Variants in MAP3K15 observed in about 807,000 individuals in gnomAD.
MAP3K15 encodes the protein mitogen-activated protein kinase kinase kinase 15, also known as MAPK/ERK kinase kinase 15.
Under a neutral mutation model 99.5 loss-of-function variants are expected in MAP3K15, and 124 were observed. The observed-to-expected ratio is 1.25, with a 90% CI of 1.08 to 1.45. The LOEUF is 1.45. MAP3K15 is among the 40% of genes most tolerant of loss of function. The pLI, the probability that MAP3K15 is intolerant of heterozygous loss-of-function variation, is 0.00. For missense variants in MAP3K15, 1,242 were observed against 1,079.7 expected (o/e 1.15, Z -2.11); for synonymous variants, 494 against 439.6 (o/e 1.12, Z -1.55).
Position 19,373,582 on chromosome X carries a change from A to G in MAP3K15, c.2887T>C (p.Phe963Leu). The change falls in exon 21 of 29, where the codon TTT (phenylalanine) becomes CTT (leucine). Residue 963 changes from phenylalanine to leucine, a missense_variant. Coordinates refer to ENST00000338883, the MANE Select transcript of MAP3K15 (RefSeq NM_001001671.4). The part of the protein sequence containing the change: ...PDSDAQPDAL[F>L]ERTRAPRHHL... The stretch of plus-strand genomic sequence containing the variant: ...TGCCTGGGCGCCCGGGTCCTCTCAA[A>G]GAGTGCGTCAGGCTGGGCGTCGGAG... 1 of 1,179,632 alleles carries G rather than the reference A, an allele frequency of 8.5e-7. No homozygotes were observed. Among genetic ancestry groups the G allele is most frequent in the South Asian group, 1.9e-5 (1 of 53,542 alleles).
At chrX:19,448,856 C>T (rs778359303) in intron 6 of MAP3K15, among the ~76,000 whole-genome samples, 16 of 109,442 alleles carry the variant, frequency 1.5e-4, no homozygotes, top group African/African-American at 5.2e-4. Flanking sequence ...TATCTAGGCA[C>T]CAGACACTAT....
intron 18 of MAP3K15, among the ~76,000 whole-genome samples, chrX:19,381,136 G>A (rs759799277): frequency 1.8e-5 from 2 of 111,925 alleles, no homozygotes; most frequent in African/African-American, 3.2e-5. Flanking sequence ...TGCCTGGTTC[G>A]GGTCAGGAAA....
At chrX:19,411,913 G>A (rs748843312) in intron 11 of MAP3K15, among the ~76,000 whole-genome samples, 1 of 112,341 alleles carries the variant, frequency 8.9e-6, no homozygotes, top group African/African-American at 3.2e-5. Flanking sequence ...CTCTGCGTGA[G>A]ACAGGAAGCC....
intron 1 of MAP3K15, among the ~76,000 whole-genome samples, chrX:19,492,805 A>G (rs1337431422): frequency 9.1e-6 from 1 of 110,425 alleles, no homozygotes; most frequent in Non-Finnish European, 1.9e-5. Context: ...CGTCTCTACT[A>G]AAAATACAAA....
intron 21 of MAP3K15, 148 bp downstream of exon 21, chrX:19,373,388 G>T (rs1391424052): frequency 7.5e-6 from 5 of 665,698 alleles, no homozygotes; most frequent in Non-Finnish European, 8.8e-6. Flanking sequence ...TCCTTGCCGG[G>T]ATGGGGCGGC....
chrX:19,396,080 TTCTAAAA>T (rs2063566231), intron 15 of MAP3K15, among the ~76,000 whole-genome samples: 1 of 111,530 alleles, frequency 9.0e-6, no homozygotes, highest in African/African-American at 3.3e-5. Context: ...CTCTTCTGCG[TTCTAAAA>T]ACACTCTGTG....
At chrX:19,431,923 G>A (rs906464510) in intron 6 of MAP3K15, among the ~76,000 whole-genome samples, 2 of 105,672 alleles carry the variant, frequency 1.9e-5, no homozygotes, top group Admixed American at 2.0e-4. Flanking sequence ...CAGTCTGGGC[G>A]ACAGAGTGAG....
rs1339610070 is a variant in MAP3K15, at chrX:19,421,880, G to T, written c.1439+3651C>A. ...GAGCCCTCAGAAATAATGCCGCATA[G>T]CTACAACTATCTGATCTGTGACAAA... is the stretch of plus-strand genomic sequence containing the variant. On this transcript the variant is annotated intron_variant, in intron 9 of 28. Coordinates refer to ENST00000338883, the MANE Select transcript of MAP3K15 (RefSeq NM_001001671.4). 8.2e-5 allele frequency among the ~76,000 whole-genome samples: 9 copies of T among 109,159 alleles called. No homozygotes were observed. The East Asian group carries it at 8.4e-4, about 10-fold the overall frequency. 94.8% of individuals were successfully genotyped at this position (109,159 alleles called of 115,157 possible).
chrX:19,460,141 T>C lies in MAP3K15; in HGVS notation c.732A>G (p.Lys244=). ...DIHVTSCVYY[K]ETLLNDIRKA... Reference sequence around the variant, plus strand: ...TCCGGATGTCATTTAACAAGGTTTCTTTGTAATAAACACTATAGAAAGAAA... The same window carrying C: ...TCCGGATGTCATTTAACAAGGTTTCCTTGTAATAAACACTATAGAAAGAAA... The change falls in exon 5 of 29, where the codon AAA becomes AAG. Residue 244 remains lysine (K), a synonymous_variant. Transcript: ENST00000338883. The C allele has an allele frequency of 8.4e-7, 1 of 1,188,637 alleles. No individual in the cohort carries two copies. Among genetic ancestry groups the C allele is most frequent in the Non-Finnish European group, 1.1e-6 (1 of 889,168 alleles).
rs750864025 is a variant in MAP3K15 at position 19,464,362 on chromosome X, C to T, written c.570G>A (p.Pro190=). The T allele has an allele frequency of 1.2e-5, 14 of 1,196,830 alleles. No individual in the cohort carries two copies. The highest frequency in any genetic ancestry group is 1.1e-4 in the Admixed American group (5 of 45,681). ...TCTCGCAGCAAAAATAATCAGCGCA[C>T]GGTGTCACGATGTATGGGATGAAAT... ...NYYFIPYIVT[P]CADYFCCESD... Residue 190 remains proline (P), a synonymous_variant, in exon 4 of 29, where the codon CCG becomes CCA. Coordinates refer to ENST00000338883, the MANE Select transcript of MAP3K15 (RefSeq NM_001001671.4).
rs377370864 is a variant in MAP3K15, at chrX:19,460,142, T to A, written c.731A>T (p.Lys244Ile). 5 of 1,186,167 alleles carry A rather than the reference T, an allele frequency of 4.2e-6. No individual in the cohort carries two copies. In the African/African-American group the frequency reaches 7.1e-5, roughly 17 times the overall value. ...CCGGATGTCATTTAACAAGGTTTCT[T>A]TGTAATAAACACTATAGAAAGAAAA... ...DIHVTSCVYY[K>I]ETLLNDIRKA... The change falls in exon 5 of 29, where the codon AAA becomes ATA. Residue 244 changes from lysine to isoleucine, a missense_variant. Coordinates refer to ENST00000338883, the MANE Select transcript of MAP3K15 (RefSeq NM_001001671.4).
chrX:19,448,601 G>A (rs1180225501), intron 6 of MAP3K15, among the ~76,000 whole-genome samples: 1 of 109,402 alleles, frequency 9.1e-6, no homozygotes, highest in East Asian at 2.8e-4. Flanking sequence ...AAAAACATAA[G>A]GAACTGTGTT....
At chrX:19,371,921 T>A (rs1261600037) in intron 22 of MAP3K15, among the ~76,000 whole-genome samples, 1 of 110,767 alleles carries the variant, frequency 9.0e-6, no homozygotes, top group East Asian at 2.8e-4. Context: ...TCACCTGAGG[T>A]CAGGAGTTCA....
chrX:19,397,849 G>A (rs895434911), intron 15 of MAP3K15, among the ~76,000 whole-genome samples: 2 of 110,432 alleles, frequency 1.8e-5, no homozygotes, highest in Non-Finnish European at 3.8e-5. Context: ...AGGCCAAGGC[G>A]GGCAGATCAC....
chrX:19,394,608 T>C (rs1032087745), intron 16 of MAP3K15, among the ~76,000 whole-genome samples: 1 of 110,920 alleles, frequency 9.0e-6, no homozygotes, highest in East Asian at 2.8e-4. Flanking sequence ...TTCTGCACCC[T>C]TGTCCAAACC....
intron 25 of MAP3K15, among the ~76,000 whole-genome samples, chrX:19,364,595 A>T (rs957243094): frequency 6.3e-5 from 7 of 111,462 alleles, no homozygotes; most frequent in African/African-American, 2.3e-4. Flanking sequence ...TTTCTGTGTA[A>T]AAATTGGTTA....
At chrX:19,387,827 A>G (rs1014511351) in intron 18 of MAP3K15, among the ~76,000 whole-genome samples, 3 of 112,638 alleles carry the variant, frequency 2.7e-5, no homozygotes, top group Admixed American at 9.4e-5. Flanking sequence ...AAAGAGATGG[A>G]AGGAGGAGGT....
chrX:19,405,254 G>A (rs2063639262), intron 13 of MAP3K15, among the ~76,000 whole-genome samples: 1 of 111,901 alleles, frequency 8.9e-6, no homozygotes, highest in Non-Finnish European at 1.9e-5. Flanking sequence ...ACTTTCACCA[G>A]ATGATCCACG....
Position 19,361,047 on chromosome X carries a change from C to T in MAP3K15, c.3858-214G>A, listed in dbSNP as rs55856360. On this transcript the variant is annotated intron_variant, in intron 28 of 28. Coordinates refer to ENST00000338883, the MANE Select transcript of MAP3K15 (RefSeq NM_001001671.4). ...AATGACTCGGGAACAAGAAGGCAGG[C>T]TGCAGTTTAAAGAAGGGGGTGGGTC... 46,395 of 417,955 alleles carry T rather than the reference C, an allele frequency of 0.11. 6,968 individuals are homozygous for T. The highest frequency in any genetic ancestry group is 0.66 in the African/African-American group (26,437 of 40,231). 34.4% of individuals were successfully genotyped at this position (417,955 alleles called of 1,213,427 possible). A position where few individuals can be genotyped will look rare whatever the true frequency, so the allele number is the denominator to read the frequency against.
Sources: allele counts gnomAD v4.1 joint callset (sites outside exome capture counted in the v4.1 genomes callset), GRCh38; gene constraint gnomAD v4.1.1; transcripts MANE v1.5; gene names NCBI Gene and HGNC (gene_info 2026-07-23, HGNC 2026-07-21).